The following NCOR2 variants were observed in gnomAD, a reference collection of about 807,000 sequenced individuals.
The protein encoded by NCOR2 is nuclear receptor corepressor 2.
NCOR2 carries 81 observed loss-of-function variants against 262.9 expected under a neutral mutation model. The ratio of observed to expected loss-of-function variants is 0.31; its 90% CI spans 0.26 to 0.37. The LOEUF (loss-of-function observed/expected upper bound fraction) is 0.37, where lower values mean the gene tolerates loss of function less well. Ranked by LOEUF, NCOR2 falls within the 10% of genes least tolerant of loss-of-function variation. NCOR2 has a pLI of 1.00. For synonymous variants in NCOR2, 1,659 were observed against 1,559.3 expected, an observed-to-expected ratio of 1.06 and a Z score of -1.51; for missense variants, 3,385 against 3,621.4, an observed-to-expected ratio of 0.93 and a Z score of 1.68.
intron 34 of NCOR2, among the ~76,000 whole-genome samples, chr12:124,341,465 C>G (rs1283413171): frequency 6.6e-6 from 1 of 152,196 alleles, no homozygotes; most frequent in African/African-American, 2.4e-5. Context: ...TCTCGAACTT[C>G]TGACCTTGTT....
chr12:124,339,900 C>CCCCCACCCCCCATAT, intron 37 of NCOR2, 106 bp downstream of exon 39: 2 of 659,510 alleles, frequency 3.0e-6, no homozygotes, highest in Non-Finnish European at 4.9e-6. Flanking sequence ...TCTGCCCACC[C>CCCCCACCCCCCATAT]ACCCACCTCC....
intron 1 of NCOR2, among the ~76,000 whole-genome samples, chr12:124,547,820 C>T (rs777878776): frequency 3.5e-4 from 54 of 152,272 alleles, no homozygotes; most frequent in Non-Finnish European, 4.0e-4. Flanking sequence ...AAGGTTCACC[C>T]GCAGTGTAGC....
At chr12:124,546,412 T>G (rs1028287271) in intron 1 of NCOR2, among the ~76,000 whole-genome samples, 1 of 152,184 alleles carries the variant, frequency 6.6e-6, no homozygotes, top group Non-Finnish European at 1.5e-5. Flanking sequence ...TTTTGGGTTT[T>G]GGGTTTTTGT....
intron 22 of NCOR2, among the ~76,000 whole-genome samples, chr12:124,358,864 A>G (rs893970163): frequency 4.6e-5 from 7 of 152,338 alleles, no homozygotes; most frequent in East Asian, 1.9e-4. Flanking sequence ...ACAGCACCCT[A>G]CAAGGAACTG....
At position 124,515,709 on chromosome 12, in the gene NCOR2, CTG is replaced by C. The variant is rs531502817; in HGVS notation, c.-118+19854_-118+19855del. On this transcript the variant is annotated intron_variant, in intron 1 of 46. Transcript: ENST00000404621. ...AGTATGCGTGTGCATGTTCGTGTGACTGTGTGTATGGTGTGTATGTTCACAAG... is the reference window on the plus strand; with the variant it reads ...AGTATGCGTGTGCATGTTCGTGTGACTGTGTATGGTGTGTATGTTCACAAG... Among the ~76,000 whole-genome samples, 447 of 151,712 alleles carry C rather than the reference CTG, an allele frequency of 2.9e-3. 1 individual carries two copies. The highest frequency in any genetic ancestry group is 9.9e-3 in the African/African-American group (409 of 41,320).
At position 124,413,711 on chromosome 12, in the gene NCOR2, C is replaced by T. The variant is rs531241752; in HGVS notation, c.1482+6246G>A. ...ACTGGGAGTGGGGGTGCTGAGAGAG[C>T]GCAAGAGACGCAGAGCGGGAGACAG... On this transcript the variant is annotated intron_variant, in intron 13 of 46. Transcript: ENST00000405201. Among the ~76,000 whole-genome samples, 10 of 152,172 alleles carry T rather than the reference C, an allele frequency of 6.6e-5. No homozygotes were observed. In the East Asian group the frequency reaches 7.7e-4, roughly 12 times the overall value.
At chr12:124,428,084 TGTGTAC>T (rs1175630885) in intron 10 of NCOR2, among the ~76,000 whole-genome samples, 2 of 148,142 alleles carry the variant, frequency 1.4e-5, no homozygotes, top group African/African-American at 2.5e-5. Context: ...TGTGTGTGTG[TGTGTAC>T]ATGCAACAAT....
Position 124,509,471 on chromosome 12 carries a change from A to C in NCOR2, c.-117-14103T>G, listed in dbSNP as rs11057644. On this transcript the variant is annotated intron_variant, in intron 1 of 46. Coordinates refer to the NCOR2 transcript ENST00000404621. ...ACTATTTGTGCTAAATGCAGGAGGC[A>C]GAGGGAGTCTGTCCATTGCAACCAA... Among the ~76,000 whole-genome samples the C allele has an allele frequency of 5.1e-3, 780 of 152,338 alleles. 31 individuals carry two copies. The East Asian group carries it at 0.095, about 19-fold the overall frequency.
At chr12:124,439,371 ACAGAGG>A (rs2044672635) in intron 7 of NCOR2, among the ~76,000 whole-genome samples, 64 of 121,096 alleles carry the variant, frequency 5.3e-4, no homozygotes, top group African/African-American at 1.4e-3. Flanking sequence ...AGACCCGGAG[ACAGAGG>A]GAGACAGAGA....
upstream of NCOR2, among the ~76,000 whole-genome samples, chr12:124,498,509 A>G (rs1435473944): frequency 6.6e-6 from 1 of 151,834 alleles, no homozygotes; most frequent in Non-Finnish European, 1.5e-5. Context: ...TGCCACCCTC[A>G]CTCACCACGA....
intron 22 of NCOR2, 55 bp from the exon 25 acceptor site, chr12:124,356,837 C>T (rs1328935279): frequency 3.5e-6 from 5 of 1,425,204 alleles, no homozygotes; most frequent in African/African-American, 3.0e-5. Flanking sequence ...AGTCAGACCT[C>T]GGGAGCCCTG....
rs1037607827 is a variant in NCOR2, at chr12:124,481,554, T to C, written c.411+2042A>G. Among the ~76,000 whole-genome samples the C allele has an allele frequency of 1.3e-5, 2 of 152,148 alleles. No individual in the cohort carries two copies. The highest frequency in any genetic ancestry group is 2.9e-5 in the Non-Finnish European group (2 of 68,006). On this transcript the variant is annotated intron_variant, in intron 3 of 46. Transcript: ENST00000405201. The surrounding 1 kb of genome is among the most constrained non-coding windows in gnomAD (Gnocchi z 4.6). ...GAATGTGCCTGGGGGAGGGCGCTCCTGCGGAGGGCACAGCCGGTGCAAAGG... is the reference window on the plus strand; with the variant it reads ...GAATGTGCCTGGGGGAGGGCGCTCCCGCGGAGGGCACAGCCGGTGCAAAGG...
intron 16 of NCOR2, among the ~76,000 whole-genome samples, chr12:124,396,789 C>T (rs1032858557): frequency 6.6e-6 from 1 of 152,142 alleles, no homozygotes; most frequent in Non-Finnish European, 1.5e-5. Context: ...CAGCACCCCC[C>T]ACAACTACAG....
chr12:124,356,667 G>A lies in NCOR2; in HGVS notation c.3216C>T (p.Pro1072=), dbSNP rs749788720. The A allele has an allele frequency of 2.1e-6, 3 of 1,455,562 alleles. No homozygotes were observed. The African/African-American group carries it at 4.5e-5, about 22-fold the overall frequency. 90.2% of individuals were successfully genotyped at this position (1,455,562 alleles called of 1,614,324 possible). ...CAGGTGGAGCGTAGGAGAAGGCTGA[G>A]GGGTCCGGGGCATGCGGGGAGGCCT... Residue 1072 remains proline, a synonymous_variant, in exon 23 of 47, where the codon CCC becomes CCT. Transcript: ENST00000405201.
chr12:124,553,320 C>T lies in NCOR2; in HGVS notation c.-165+13988G>A, dbSNP rs144025579. Among the ~76,000 whole-genome samples the T allele has an allele frequency of 2.1e-3, 317 of 152,358 alleles. 2 individuals are homozygous for T. The highest frequency in any genetic ancestry group is 7.3e-3 in the African/African-American group (305 of 41,590). On this transcript the variant is annotated intron_variant, in intron 1 of 32. Transcript: ENST00000458234. The stretch of plus-strand genomic sequence containing the variant: ...TAGCAGCCTTAATTCCATCTGCCAC[C>T]TTAAATCCCCTTTGCAGCATAAAAT...
chr12:124,353,806 G>A (rs569710910), intron 27 of NCOR2, among the ~76,000 whole-genome samples: 8 of 152,342 alleles, frequency 5.3e-5, no homozygotes, highest in African/African-American at 1.7e-4. Context: ...GCCGCGGTAC[G>A]CTCACATTCT....
At chr12:124,441,561 G>A (rs767125626) in intron 7 of NCOR2, among the ~76,000 whole-genome samples, 19 of 152,202 alleles carry the variant, frequency 1.2e-4, no homozygotes, top group Non-Finnish European at 2.1e-4. Context: ...GGCAAGATCC[G>A]GGGATGAATG....
chr12:124,414,603 A>G (rs2042761203), intron 13 of NCOR2, among the ~76,000 whole-genome samples: 1 of 152,216 alleles, frequency 6.6e-6, no homozygotes, highest in Non-Finnish European at 1.5e-5. Context: ...GGGCCCAGGA[A>G]GGGAGGGAGA....
At chr12:124,334,957 G>A (rs901867572) in intron 40 of NCOR2, 178 bp downstream of exon 42, 27 of 885,534 alleles carry the variant, frequency 3.0e-5, no homozygotes, top group African/African-American at 6.7e-5. Flanking sequence ...TGATGGTGCC[G>A]GTGCTCGGGG....
Sources: allele counts gnomAD v4.1 joint callset (sites outside exome capture counted in the v4.1 genomes callset), GRCh38; gene constraint gnomAD v4.1.1; non-coding constraint Gnocchi (gnomAD v3.1); transcripts MANE v1.5; gene names NCBI Gene and HGNC (gene_info 2026-07-23, HGNC 2026-07-21).